Variants in CADPS observed in about 807,000 individuals in gnomAD.
The protein encoded by CADPS is calcium-dependent secretion activator 1.
Under a neutral mutation model 167.3 loss-of-function variants are expected in CADPS, and 57 were observed. The observed-to-expected ratio is 0.34, with a 90% CI of 0.28 to 0.42. The LOEUF (loss-of-function observed/expected upper bound fraction) is 0.42. Among genes scored for constraint, CADPS ranks in the 20% least tolerant of loss-of-function variants. The probability of loss-of-function intolerance (pLI) is 1.00; values close to 1 mark genes in which losing one functional copy is unlikely to be tolerated. For missense variants in CADPS, 1,414 were observed against 1,738.1 expected, an observed-to-expected ratio of 0.81 and a Z score of 3.32; for synonymous variants, 676 against 635.3, an observed-to-expected ratio of 1.06 and a Z score of -0.96.
intron 6 of CADPS, among the ~76,000 whole-genome samples, chr3:62,645,193 T>G (rs537592264): frequency 1.4e-4 from 22 of 152,276 alleles, no homozygotes; most frequent in African/African-American, 5.3e-4. Context: ...CTTTGGGGAC[T>G]CAGGGGAAAG....
In CADPS at chr3:62,645,797, C is replaced by T; in HGVS notation, c.1250G>A (p.Arg417His). ...VQGLKSLAPN[R>H]IVYCTMEVEG... ...CACCTCCATTGTGCAATATACGATGCGATTTGGAGCCAAAGATTTGAGGCC... is the reference window on the plus strand; with the variant it reads ...CACCTCCATTGTGCAATATACGATGTGATTTGGAGCCAAAGATTTGAGGCC... The change falls in exon 6 of 30, where the codon CGC becomes CAC. Residue 417 changes from arginine to histidine, a missense_variant. Physicochemically the swap from Arg to His is conservative, Grantham distance 29. Coordinates refer to ENST00000383710, the MANE Select transcript of CADPS (RefSeq NM_003716.4). 2 of 1,613,992 alleles carry T rather than the reference C, an allele frequency of 1.2e-6. No homozygotes were observed. The highest frequency in any genetic ancestry group is 1.1e-5 in the South Asian group (1 of 91,074).
intron 3 of CADPS, among the ~76,000 whole-genome samples, chr3:62,682,303 AC>A (rs1018965120): frequency 2.0e-5 from 3 of 151,972 alleles, no homozygotes; most frequent in African/African-American, 7.3e-5. Flanking sequence ...GGGAATCTAC[AC>A]CCCTAGGAAG....
intron 4 of CADPS, among the ~76,000 whole-genome samples, chr3:62,654,913 G>A (rs894776901): frequency 1.3e-5 from 2 of 152,112 alleles, no homozygotes; most frequent in African/African-American, 2.4e-5. Context: ...TGTCAAGTGC[G>A]GTTCCTTCTA....
At chr3:62,754,583 G>A (rs1196945068) in intron 2 of CADPS, among the ~76,000 whole-genome samples, 1 of 152,094 alleles carries the variant, frequency 6.6e-6, no homozygotes, top group Non-Finnish European at 1.5e-5. Context: ...CAAACTCCTG[G>A]GCTCAAGCCA....
At chr3:62,807,464 G>A (rs2094160619) in intron 1 of CADPS, among the ~76,000 whole-genome samples, 1 of 151,852 alleles carries the variant, frequency 6.6e-6, no homozygotes, top group African/African-American at 2.4e-5. Flanking sequence ...GTTTCATCAT[G>A]TTGGCCAAGC....
At chr3:62,852,585 G>C (rs1036931693) in intron 1 of CADPS, among the ~76,000 whole-genome samples, 1 of 150,728 alleles carries the variant, frequency 6.6e-6, no homozygotes, top group Non-Finnish European at 1.5e-5. Flanking sequence ...ACCCACACCA[G>C]AGAGACTTAT....
chr3:62,853,575 G>T (rs555782469), intron 1 of CADPS, among the ~76,000 whole-genome samples: 2 of 148,154 alleles, frequency 1.3e-5, no homozygotes, highest in Non-Finnish European at 3.0e-5. Flanking sequence ...CAGTGAGCCC[G>T]CATCGTGTCA....
At position 62,403,072 on chromosome 3, in the gene CADPS, T is replaced by C. The variant is rs377612968; in HGVS notation, c.3882+9A>G. The C allele has an allele frequency of 3.3e-5, 51 of 1,534,954 alleles. No individual in the cohort carries two copies. The highest frequency in any genetic ancestry group is 4.4e-5 in the Non-Finnish European group (49 of 1,111,470). ...ATTTGCAAAGAAGAATAATAATCTT[T>C]TCTTTTACCTTTACCATCCTAATTA... On this transcript the variant is annotated intron_variant, in intron 29 of 29. Coordinates refer to ENST00000383710, the MANE Select transcript of CADPS (RefSeq NM_003716.4).
intron 8 of CADPS, among the ~76,000 whole-genome samples, chr3:62,571,333 C>T (rs1455711240): frequency 6.6e-6 from 1 of 152,162 alleles, no homozygotes; most frequent in African/African-American, 2.4e-5. Context: ...GGAAAACCTT[C>T]CCTTGTTTTC....
At position 62,540,247 on chromosome 3, in the gene CADPS, C is replaced by G. The variant is rs561291619; in HGVS notation, c.1967-3666G>C. Among the ~76,000 whole-genome samples, 12 of 152,050 alleles carry G rather than the reference C, an allele frequency of 7.9e-5. No homozygotes were observed. The South Asian group carries it at 2.5e-3, about 32-fold the overall frequency. ...TATCTCTCTGCTTTATTTTTCTTTT[C>G]TGCCCCTGTATAACCAATTCCTATG... On this transcript the variant is annotated intron_variant, in intron 11 of 29. Transcript: ENST00000383710.
intron 3 of CADPS, among the ~76,000 whole-genome samples, chr3:62,712,367 G>A (rs181905508): frequency 1.7e-3 from 258 of 152,252 alleles, no homozygotes; most frequent in African/African-American, 5.6e-3. Context: ...ACGGATATTG[G>A]TAGTCTTTAT....
At chr3:62,712,067 C>G (rs1026121498) in intron 3 of CADPS, among the ~76,000 whole-genome samples, 7 of 152,112 alleles carry the variant, frequency 4.6e-5, no homozygotes, top group Admixed American at 3.3e-4. Flanking sequence ...AATGACTACA[C>G]AAAATTTCAA....
intron 25 of CADPS, among the ~76,000 whole-genome samples, chr3:62,466,099 A>T (rs2059902849): frequency 6.6e-6 from 1 of 152,160 alleles, no homozygotes; most frequent in South Asian, 2.1e-4. Context: ...CATATAACCT[A>T]GCGCAACGTT....
In CADPS at chr3:62,655,608, G is replaced by A. The variant is rs776748498; in HGVS notation, c.970-4528C>T. 1.2e-4 allele frequency among the ~76,000 whole-genome samples: 18 copies of A among 152,162 alleles called. No homozygotes were observed. The South Asian group carries it at 2.1e-3, about 18-fold the overall frequency. Reference sequence around the variant, plus strand: ...CTGCTGGCTTTTCTTTTCTGGTTTTGGATTTTTACCCAGAGAGGATGAATG... The same window carrying A: ...CTGCTGGCTTTTCTTTTCTGGTTTTAGATTTTTACCCAGAGAGGATGAATG... On this transcript the variant is annotated intron_variant, in intron 4 of 29. Coordinates refer to ENST00000383710, the MANE Select transcript of CADPS (RefSeq NM_003716.4).
intron 3 of CADPS, among the ~76,000 whole-genome samples, chr3:62,745,302 G>A (rs769891296): frequency 3.9e-5 from 6 of 151,940 alleles, no homozygotes; most frequent in Non-Finnish European, 5.9e-5. Flanking sequence ...TGAACTCCTC[G>A]TCTCAAGTGA....
At chr3:62,570,079 G>A (rs2081008869) in intron 9 of CADPS, among the ~76,000 whole-genome samples, 1 of 152,122 alleles carries the variant, frequency 6.6e-6, no homozygotes. Context: ...GCCTTGTTAA[G>A]AATAGCCCAA....
chr3:62,607,416 G>A (rs2060838730), intron 6 of CADPS, among the ~76,000 whole-genome samples: 2 of 151,462 alleles, frequency 1.3e-5, no homozygotes, highest in South Asian at 2.1e-4. Context: ...AATCACGAAC[G>A]CTCAAGTGCT....
chr3:62,505,167 C>A (rs2066442997), intron 17 of CADPS, among the ~76,000 whole-genome samples: 1 of 152,158 alleles, frequency 6.6e-6, no homozygotes, highest in East Asian at 1.9e-4. Flanking sequence ...AAAATGATGG[C>A]TACATAGGCC....
At chr3:62,780,007 G>C (rs2091244924) in intron 1 of CADPS, among the ~76,000 whole-genome samples, 1 of 152,168 alleles carries the variant, frequency 6.6e-6, no homozygotes, top group South Asian at 2.1e-4. Context: ...TCATTGAACT[G>C]AGGGCTAGTG....
Sources: allele counts gnomAD v4.1 joint callset (sites outside exome capture counted in the v4.1 genomes callset), GRCh38; gene constraint gnomAD v4.1.1; transcripts MANE v1.5; gene names NCBI Gene and HGNC (gene_info 2026-07-23, HGNC 2026-07-21).